The following MICAL3 variants were observed in gnomAD, a reference collection of about 807,000 sequenced individuals.
MICAL3 encodes the protein [F-actin]-monooxygenase MICAL3.
A neutral mutation model predicts 207.4 loss-of-function variants in MICAL3; 62 were observed. That is an observed-to-expected ratio of 0.30 (90% CI 0.24 to 0.37). The LOEUF (loss-of-function observed/expected upper bound fraction) is 0.37. Ranked by LOEUF, MICAL3 falls within the 10% of genes least tolerant of loss-of-function variation. MICAL3 has a pLI of 1.00. For synonymous variants in MICAL3, 1,077 were observed against 1,069.3 expected (o/e 1.01, Z -0.14); for missense variants, 2,368 against 2,635.6 (o/e 0.90, Z 2.22).
intron 1 of MICAL3, among the ~76,000 whole-genome samples, chr22:17,976,274 C>G (rs35276871): frequency 2.6e-5 from 4 of 151,836 alleles, no homozygotes; most frequent in African/African-American, 9.7e-5. Context: ...CTGTTAAATT[C>G]CGTGTCTTAT....
At chr22:17,896,402 A>C in intron 8 of MICAL3, 41 bp from the exon 9 acceptor site, 2 of 1,174,430 alleles carry the variant, frequency 1.7e-6, no homozygotes, top group Non-Finnish European at 2.5e-6. Flanking sequence ...AATATAACAC[A>C]CCTTTCAAAA....
At position 17,864,933 on chromosome 22, in the gene MICAL3, G is replaced by C. The variant is rs1469078888; in HGVS notation, c.2571C>G (p.Ala857=). The change falls in exon 19 of 32, where the codon GCC becomes GCG. Residue 857 remains alanine, a synonymous_variant. Transcript: ENST00000441493. The part of the protein sequence containing the change: ...DGATTDANGR[A]NAVASSTERT... ...TCTCAGTGGAGCTGGCCACGGCGTT[G>C]GCCCGTCCGTTTGCATCTGTGGTGG... 9.3e-6 allele frequency: 15 copies of C among 1,613,664 alleles called. No homozygotes were observed. Among genetic ancestry groups the C allele is most frequent in the Non-Finnish European group, 1.2e-5 (14 of 1,179,856 alleles).
At chr22:17,837,063 C>T (rs1441151340) in intron 20 of MICAL3, among the ~76,000 whole-genome samples, 2 of 152,240 alleles carry the variant, frequency 1.3e-5, no homozygotes, top group Non-Finnish European at 2.9e-5. Context: ...AGGTTCCCTT[C>T]CCTGACAACT....
At chr22:17,914,966 C>T (rs1337016703) in intron 1 of MICAL3, among the ~76,000 whole-genome samples, 1 of 152,198 alleles carries the variant, frequency 6.6e-6, no homozygotes, top group East Asian at 1.9e-4. Context: ...AACCTGCCCA[C>T]TGTCAACAGT....
At chr22:17,899,814 G>C (rs940514697) in intron 6 of MICAL3, among the ~76,000 whole-genome samples, 2 of 151,366 alleles carry the variant, frequency 1.3e-5, no homozygotes, top group Non-Finnish European at 2.9e-5. Flanking sequence ...GAATAAAAAC[G>C]AAACAAGCAA....
rs548765524 is a variant in MICAL3, at chr22:17,812,788, C to T, written c.5446-1975G>A. On this transcript the variant is annotated intron_variant, in intron 27 of 31. Transcript: ENST00000441493. ...GTCTGAGTGGACCTGGTTTTGAATA[C>T]GGCCGGGGTTCACTCTTTTATTGGG... The T allele has an allele frequency of 2.5e-4, 38 of 152,788 alleles. 1 individual carries two copies. The South Asian group carries it at 3.9e-3, about 16-fold the overall frequency. The allele number at this position is 152,788 out of a possible 1,614,324, so 9.5% of individuals were successfully genotyped here.
intron 1 of MICAL3, among the ~76,000 whole-genome samples, chr22:17,998,560 A>ATT (rs34252272): frequency 5.3e-4 from 77 of 143,962 alleles, no homozygotes; most frequent in African/African-American, 1.5e-3. Flanking sequence ...TATTATTATT[A>ATT]TTATTTTTTT....
chr22:17,948,865 A>T (rs921052318), intron 1 of MICAL3, among the ~76,000 whole-genome samples: 1 of 145,712 alleles, frequency 6.9e-6, no homozygotes, highest in African/African-American at 2.6e-5. Context: ...GTGAGCCAAG[A>T]TCGTGCCACT....
chr22:17,822,203 AC>A (rs1569080761), intron 23 of MICAL3, 33 bp from the exon 24 acceptor site: 1 of 1,591,826 alleles, frequency 6.3e-7, no homozygotes, highest in South Asian at 1.1e-5. Flanking sequence ...GTGGGTGCAC[AC>A]CCTAAGTGAG....
chr22:18,018,915 G>A (rs368125), intron 1 of MICAL3, among the ~76,000 whole-genome samples: 12,552 of 152,188 alleles, frequency 0.082, 630 homozygotes, highest in Middle Eastern at 0.16. Flanking sequence ...CACCTGGCCA[G>A]GCACAGTGGC....
At chr22:18,012,404 C>T (rs1923799752) in intron 1 of MICAL3, among the ~76,000 whole-genome samples, 1 of 152,180 alleles carries the variant, frequency 6.6e-6, no homozygotes. Context: ...CCTCGGCCCT[C>T]ATGGGGAGGG....
chr22:17,963,748 G>A (rs1462905915), intron 1 of MICAL3, among the ~76,000 whole-genome samples: 5 of 152,168 alleles, frequency 3.3e-5, no homozygotes, highest in Non-Finnish European at 7.3e-5. Flanking sequence ...CAGCCAGGAG[G>A]GTCGCTTCTG....
chr22:17,908,007 C>T (rs1931865277), intron 1 of MICAL3, among the ~76,000 whole-genome samples: 1 of 152,214 alleles, frequency 6.6e-6, no homozygotes, highest in African/African-American at 2.4e-5. Context: ...TGGGAGATGG[C>T]ACCGCGTGTA....
intron 17 of MICAL3, among the ~76,000 whole-genome samples, chr22:17,868,155 C>T (rs151198323): frequency 1.3e-5 from 2 of 152,226 alleles, no homozygotes; most frequent in African/African-American, 2.4e-5. Flanking sequence ...GCTCAGTAGC[C>T]GTGTGAACTC....
rs368735503 is a variant in MICAL3, at chr22:17,866,249, G to A, written c.2429-237C>T. ...GGTCTTTTCCTTTGGGAATGTGAAGGCCATTGAGCCATCACCCAATCAGTG... is the reference window on the plus strand; with the variant it reads ...GGTCTTTTCCTTTGGGAATGTGAAGACCATTGAGCCATCACCCAATCAGTG... On this transcript the variant is annotated intron_variant, in intron 17 of 31. Transcript: ENST00000441493. Among the ~76,000 whole-genome samples, 9 of 152,334 alleles carry A rather than the reference G, an allele frequency of 5.9e-5. No individual in the cohort carries two copies. In the East Asian group the frequency reaches 1.4e-3, roughly 23 times the overall value.
At position 17,796,794 on chromosome 22, in the gene MICAL3, G is replaced by A. The variant is rs535214354; in HGVS notation, c.5651-5493C>T. ...AAGGCAGGACCTGAATCCAGGCCTG[G>A]CCTTCCTAAGTCGGGGTACCCCCTA... On this transcript the variant is annotated intron_variant, in intron 29 of 31. Transcript: ENST00000441493. This position sits in a 1 kb window ranked among gnomAD's most constrained non-coding sequence, Gnocchi z 4.4. Among the ~76,000 whole-genome samples the A allele has an allele frequency of 1.2e-4, 18 of 152,256 alleles. No individual in the cohort carries two copies. The highest frequency in any genetic ancestry group is 3.9e-4 in the African/African-American group (16 of 41,544).
chr22:17,965,578 T>G (rs1935109983), intron 1 of MICAL3, among the ~76,000 whole-genome samples: 1 of 152,164 alleles, frequency 6.6e-6, no homozygotes, highest in Non-Finnish European at 1.5e-5. Flanking sequence ...CACTGTGAGT[T>G]AAGTATTTAA....
intron 1 of MICAL3, among the ~76,000 whole-genome samples, chr22:18,010,762 G>A (rs1342742933): frequency 6.6e-6 from 1 of 152,136 alleles, no homozygotes; most frequent in South Asian, 2.1e-4. Flanking sequence ...AATTGAGAAG[G>A]ATAAATACTA....
chr22:17,872,669 A>G lies in MICAL3; in HGVS notation c.2242-646T>C, dbSNP rs895898483. On this transcript the variant is annotated intron_variant, in intron 16 of 31. Coordinates refer to ENST00000441493, the MANE Select transcript of MICAL3 (RefSeq NM_015241.3). ...ATAGCATACACGGGCTATGCAAGCTATAAGTGACTCAGCACACAGGTGTGT... is the reference window on the plus strand; with the variant it reads ...ATAGCATACACGGGCTATGCAAGCTGTAAGTGACTCAGCACACAGGTGTGT... 1.4e-4 allele frequency: 129 copies of G among 903,100 alleles called. 1 individual carries two copies. The African/African-American group carries it at 1.7e-3, about 12-fold the overall frequency. 55.9% of individuals were successfully genotyped at this position (903,100 alleles called of 1,614,324 possible). A position where few individuals can be genotyped will look rare whatever the true frequency, so the allele number is the denominator to read the frequency against.
Sources: allele counts gnomAD v4.1 joint callset (sites outside exome capture counted in the v4.1 genomes callset), GRCh38; gene constraint gnomAD v4.1.1; non-coding constraint Gnocchi (gnomAD v3.1); transcripts MANE v1.5; gene names NCBI Gene and HGNC (gene_info 2026-07-23, HGNC 2026-07-21).